Variants in ANKRD44 observed in about 807,000 individuals in gnomAD.
The protein encoded by ANKRD44 is serine/threonine-protein phosphatase 6 regulatory ankyrin repeat subunit B.
Under a neutral mutation model 116.0 loss-of-function variants are expected in ANKRD44, and 35 were observed. The observed-to-expected ratio is 0.30, with a 90% CI of 0.23 to 0.40. ANKRD44 has a LOEUF of 0.40. Ranked by LOEUF, ANKRD44 falls within the 10% of genes least tolerant of loss-of-function variation. ANKRD44 has a pLI of 1.00. For missense variants in ANKRD44, 1,014 were observed against 1,242.6 expected (o/e 0.82, Z 2.77); for synonymous variants, 435 against 461.8 (o/e 0.94, Z 0.74).
At chr2:197,165,835 A>G (rs2125518897) in intron 2 of ANKRD44, among the ~76,000 whole-genome samples, 1 of 152,362 alleles carries the variant, frequency 6.6e-6, no homozygotes, top group South Asian at 2.1e-4. Flanking sequence ...CTTTTAGTTC[A>G]AAATCATTTA....
At chr2:197,049,449 T>C (rs998982821) in intron 16 of ANKRD44, among the ~76,000 whole-genome samples, 2 of 152,160 alleles carry the variant, frequency 1.3e-5, no homozygotes, top group African/African-American at 4.8e-5. Flanking sequence ...TCTGAATATA[T>C]ACACGGTAGC....
intron 1 of ANKRD44, among the ~76,000 whole-genome samples, chr2:197,260,100 A>G (rs920900093): frequency 5.9e-5 from 9 of 152,202 alleles, no homozygotes; most frequent in African/African-American, 2.2e-4. Context: ...TATTATTATT[A>G]TACTTTAAGT....
chr2:197,052,522 A>G (rs2077128129), intron 16 of ANKRD44, among the ~76,000 whole-genome samples: 2 of 152,046 alleles, frequency 1.3e-5, no homozygotes, highest in African/African-American at 4.8e-5. Context: ...TACTTACCTT[A>G]GAGAAAATTA....
chr2:197,170,730 T>A (rs1004840288), intron 2 of ANKRD44, among the ~76,000 whole-genome samples: 1 of 152,234 alleles, frequency 6.6e-6, no homozygotes, highest in African/African-American at 2.4e-5. Context: ...CAATTTCAAG[T>A]TGAATTAAAA....
At chr2:197,254,502 C>T (rs2082395835) in intron 1 of ANKRD44, among the ~76,000 whole-genome samples, 1 of 152,062 alleles carries the variant, frequency 6.6e-6, no homozygotes, top group African/African-American at 2.4e-5. Flanking sequence ...CTCTTAAATA[C>T]AAAATTAATT....
intron 1 of ANKRD44, among the ~76,000 whole-genome samples, chr2:197,264,358 C>T (rs1043009312): frequency 1.3e-5 from 2 of 152,106 alleles, no homozygotes; most frequent in African/African-American, 2.4e-5. Flanking sequence ...ATAAGTATCC[C>T]GACTAATACC....
At chr2:197,061,551 T>C (rs555465712) in intron 16 of ANKRD44, among the ~76,000 whole-genome samples, 2 of 152,210 alleles carry the variant, frequency 1.3e-5, no homozygotes, top group East Asian at 3.9e-4. Context: ...CCATGAGAAG[T>C]GCGTAGAGCT....
intron 2 of ANKRD44, among the ~76,000 whole-genome samples, chr2:197,164,452 G>T (rs1258803889): frequency 6.6e-6 from 1 of 152,188 alleles, no homozygotes; most frequent in Non-Finnish European, 1.5e-5. Context: ...CACACTGTGG[G>T]GTCGGGCAGG....
intron 1 of ANKRD44, among the ~76,000 whole-genome samples, chr2:197,263,933 T>C (rs2082676351): frequency 7.7e-6 from 1 of 130,288 alleles, no homozygotes; most frequent in Non-Finnish European, 1.6e-5. Flanking sequence ...TAAGATGTTT[T>C]CAACTTCCAG....
Position 196,967,393 on chromosome 2 carries a change from A to C in ANKRD44, c.*46T>G, listed in dbSNP as rs1257743731. ...CATTCTGATTCATAATTGGTCCCTC[A>C]GGGTGCCTGTTTTGCAGCCAACCGA... On this transcript the variant is annotated 3_prime_UTR_variant, in exon 22 of 22. Transcript: ENST00000424317. The C allele has an allele frequency of 6.4e-6, 3 of 469,724 alleles. No individual in the cohort carries two copies. The Admixed American group carries it at 7.1e-5, about 11-fold the overall frequency. The allele number at this position is 469,724 out of a possible 1,614,324, so 29.1% of individuals were successfully genotyped here.
rs1263174698 is a variant in ANKRD44 at position 196,989,636 on chromosome 2, A to C, written c.2937T>G (p.Asn979Lys). The change falls in exon 28 of 28, where the codon AAT becomes AAG. Residue 979 changes from asparagine (N) to lysine (K), a missense_variant. Transcript: ENST00000282272. ...LAVDENASRS[N>K]GPRSTPGTAV... ...CGGTTCCAGGTGTGGAACGGGGTCC[A>C]TTTGACCTAGAAGCTTTGGCAGAGG... 6.5e-7 allele frequency: 1 copy of C among 1,550,294 alleles called. No individual in the cohort carries two copies. The highest frequency in any genetic ancestry group is 8.7e-7 in the Non-Finnish European group (1 of 1,146,814).
intron 9 of ANKRD44, among the ~76,000 whole-genome samples, chr2:197,104,373 G>T (rs932259493): frequency 6.6e-6 from 1 of 152,038 alleles, no homozygotes; most frequent in African/African-American, 2.4e-5. Flanking sequence ...TACTTGTCTC[G>T]GCCTCCCAAA....
chr2:197,083,558 CCTGTTGT>C, intron 13 of ANKRD44, 49 bp from the exon 14 acceptor site: 2 of 1,577,126 alleles, frequency 1.3e-6, no homozygotes, highest in Non-Finnish European at 1.7e-6. Flanking sequence ...AGAAAACAGG[CCTGTTGT>C]TGGCACTAGC....
chr2:197,129,749 G>A (rs1400566795), intron 4 of ANKRD44, among the ~76,000 whole-genome samples: 3 of 152,310 alleles, frequency 2.0e-5, no homozygotes, highest in Middle Eastern at 3.4e-3. Context: ...TGGAAAAGAT[G>A]AGAATAGGAG....
chr2:197,171,648 C>T (rs1455621397), intron 2 of ANKRD44, among the ~76,000 whole-genome samples: 1 of 152,156 alleles, frequency 6.6e-6, no homozygotes, highest in Non-Finnish European at 1.5e-5. Context: ...ACAGACTGTA[C>T]AACACCAAGA....
intron 1 of ANKRD44, among the ~76,000 whole-genome samples, chr2:197,288,705 T>C (rs1323415491): frequency 1.3e-5 from 2 of 152,052 alleles, no homozygotes; most frequent in Non-Finnish European, 2.9e-5. Flanking sequence ...CACCATGGAA[T>C]ACTATTCAGC....
intron 1 of ANKRD44, among the ~76,000 whole-genome samples, chr2:197,242,830 C>T (rs558888190): frequency 1.1e-4 from 16 of 152,336 alleles, no homozygotes; most frequent in African/African-American, 3.6e-4. Flanking sequence ...CATCTCTCTA[C>T]AGCCCAAAGG....
chr2:197,187,345 G>A (rs540254687), intron 1 of ANKRD44, among the ~76,000 whole-genome samples: 7 of 152,282 alleles, frequency 4.6e-5, no homozygotes, highest in African/African-American at 1.7e-4. Flanking sequence ...CCTGAACTAT[G>A]AACTACAGTG....
intron 1 of ANKRD44, among the ~76,000 whole-genome samples, chr2:197,262,521 C>T (rs571723621): frequency 5.4e-4 from 83 of 152,338 alleles, no homozygotes; most frequent in African/African-American, 1.7e-3. Flanking sequence ...TTTGTGCTAA[C>T]GGAAATTCCA....
Sources: allele counts gnomAD v4.1 joint callset (sites outside exome capture counted in the v4.1 genomes callset), GRCh38; gene constraint gnomAD v4.1.1; transcripts MANE v1.5; gene names NCBI Gene and HGNC (gene_info 2026-07-23, HGNC 2026-07-21).